PRKCE: variants seen among roughly 807,000 people sequenced by gnomAD.
The protein encoded by PRKCE is protein kinase C epsilon, also known as protein kinase C epsilon type.
Under a neutral mutation model 85.4 loss-of-function variants are expected in PRKCE, and 16 were observed. The ratio of observed to expected loss-of-function variants is 0.19; its 90% CI spans 0.13 to 0.28. The LOEUF (loss-of-function observed/expected upper bound fraction) is 0.28, where lower values mean the gene tolerates loss of function less well. Ranked by LOEUF, PRKCE falls within the 10% of genes least tolerant of loss-of-function variation. PRKCE has a pLI of 1.00. For missense variants in PRKCE, 573 were observed against 975.2 expected, an observed-to-expected ratio of 0.59 and a Z score of 5.49; for synonymous variants, 388 against 371.5, an observed-to-expected ratio of 1.04 and a Z score of -0.51.
At chr2:45,995,670 C>T (rs532119059) in intron 6 of PRKCE, among the ~76,000 whole-genome samples, 2 of 152,164 alleles carry the variant, frequency 1.3e-5, no homozygotes, top group African/African-American at 2.4e-5. Flanking sequence ...CGGGTCTGCT[C>T]TGGGCTGTCT....
At chr2:45,780,444 C>G (rs975117907) in intron 1 of PRKCE, among the ~76,000 whole-genome samples, 3 of 152,230 alleles carry the variant, frequency 2.0e-5, no homozygotes, top group Non-Finnish European at 4.4e-5. Context: ...GTAATGAGTT[C>G]TAGGTGCTTG....
At chr2:45,996,764 A>G (rs1044056630) in intron 6 of PRKCE, among the ~76,000 whole-genome samples, 2 of 152,080 alleles carry the variant, frequency 1.3e-5, no homozygotes, top group African/African-American at 4.8e-5. Flanking sequence ...GATTTTTTGC[A>G]TTCATATTCA....
At chr2:45,996,765 T>C (rs1366244453) in intron 6 of PRKCE, among the ~76,000 whole-genome samples, 1 of 152,198 alleles carries the variant, frequency 6.6e-6, no homozygotes, top group Non-Finnish European at 1.5e-5. Context: ...ATTTTTTGCA[T>C]TCATATTCAT....
chr2:46,062,761 C>T (rs1667270105), intron 10 of PRKCE, among the ~76,000 whole-genome samples: 1 of 148,912 alleles, frequency 6.7e-6, no homozygotes. Flanking sequence ...GCAACCTCCG[C>T]CTCCGGGGTT....
chr2:45,744,638 C>T (rs1411550287), intron 1 of PRKCE, among the ~76,000 whole-genome samples: 1 of 150,868 alleles, frequency 6.6e-6, no homozygotes, highest in Non-Finnish European at 1.5e-5. Flanking sequence ...GACAGAGTCT[C>T]GCTGTGTCAC....
intron 11 of PRKCE, among the ~76,000 whole-genome samples, chr2:46,118,769 A>G (rs920246723): frequency 4.6e-5 from 7 of 152,278 alleles, no homozygotes; most frequent in Admixed American, 1.3e-4. Flanking sequence ...ATCCCTAGAG[A>G]TGGATGGGAG....
In PRKCE at chr2:46,053,230, A is replaced by G. The variant is rs1277391348; in HGVS notation, c.1438-32978A>G. Among the ~76,000 whole-genome samples, 3 of 152,384 alleles carry G rather than the reference A, an allele frequency of 2.0e-5. No individual in the cohort carries two copies. In the East Asian group the frequency reaches 5.8e-4, roughly 29 times the overall value. ...CTAGACATTTGCAGCCTAGGAAATT[A>G]GGACCTGGAAATTTAAACCTAGAAA... On this transcript the variant is annotated intron_variant, in intron 10 of 14. Coordinates refer to ENST00000306156, the MANE Select transcript of PRKCE (RefSeq NM_005400.3).
At chr2:45,837,697 T>A (rs1046467772) in intron 1 of PRKCE, among the ~76,000 whole-genome samples, 5 of 152,092 alleles carry the variant, frequency 3.3e-5, no homozygotes, top group African/African-American at 1.2e-4. Context: ...CTATCTTCCT[T>A]AACCCCAGCT....
intron 2 of PRKCE, among the ~76,000 whole-genome samples, chr2:45,951,208 G>C (rs1700597119): frequency 6.6e-6 from 1 of 152,180 alleles, no homozygotes; most frequent in Non-Finnish European, 1.5e-5. Context: ...AGTGGCTCTG[G>C]AGTTTATGGC....
intron 11 of PRKCE, among the ~76,000 whole-genome samples, chr2:46,114,148 C>T (rs753796884): frequency 2.0e-4 from 30 of 152,162 alleles, no homozygotes; most frequent in Middle Eastern, 3.4e-3. Flanking sequence ...AAGAACCCTG[C>T]GGTTCTTGGC....
chr2:45,739,690 G>C (rs1009711036), intron 1 of PRKCE, among the ~76,000 whole-genome samples: 1 of 152,130 alleles, frequency 6.6e-6, no homozygotes, highest in Admixed American at 6.5e-5. Context: ...TGCCAGGAGT[G>C]GGGTGGGGGT....
intron 1 of PRKCE, chr2:45,686,362 G>T (rs1372991564): frequency 6.6e-6 from 1 of 152,140 alleles, no homozygotes; most frequent in African/African-American, 2.4e-5. Context: ...ACATAAGGAG[G>T]TCTACTACTA....
intron 13 of PRKCE, among the ~76,000 whole-genome samples, chr2:46,152,832 C>A (rs1013689889): frequency 6.6e-6 from 1 of 152,170 alleles, no homozygotes. Flanking sequence ...CAGGTGTGAG[C>A]CACTACACCC....
At chr2:46,087,431 A>C (rs1027016407) in intron 11 of PRKCE, among the ~76,000 whole-genome samples, 2 of 152,162 alleles carry the variant, frequency 1.3e-5, no homozygotes, top group Non-Finnish European at 2.9e-5. Flanking sequence ...TGTGAACGTT[A>C]CTGACCTGCT....
intron 1 of PRKCE, among the ~76,000 whole-genome samples, chr2:45,787,744 C>T (rs1263582859): frequency 1.3e-5 from 2 of 152,118 alleles, no homozygotes; most frequent in African/African-American, 2.4e-5. Context: ...TCAGGGTTCG[C>T]GATACAGGTA....
chr2:46,122,886 T>G lies in PRKCE; in HGVS notation c.1593-22207T>G, dbSNP rs112392380. 2.7e-5 allele frequency among the ~76,000 whole-genome samples: 4 copies of G among 148,568 alleles called. No individual in the cohort carries two copies. In the East Asian group the frequency reaches 5.8e-4, roughly 22 times the overall value. ...TTTCTGGCACAACAGTCTGGGTTTT[T>G]TTTTTTTTTTTTTTTTTTAGCAGTA... On this transcript the variant is annotated intron_variant, in intron 11 of 14. Transcript: ENST00000306156.
At chr2:46,010,627 G>A in intron 10 of PRKCE, 110 bp downstream of exon 10, 1 of 1,599,260 alleles carries the variant, frequency 6.3e-7, no homozygotes, top group Non-Finnish European at 8.5e-7. Context: ...TGTAAAGTGG[G>A]ATGGGTTTTA....
chr2:45,866,629 A>G (rs888961686), intron 2 of PRKCE, among the ~76,000 whole-genome samples: 7 of 152,202 alleles, frequency 4.6e-5, no homozygotes, highest in African/African-American at 7.2e-5. Flanking sequence ...CAGACTAACA[A>G]TGGCGGGGAA....
intron 13 of PRKCE, among the ~76,000 whole-genome samples, chr2:46,152,597 G>A (rs1676754788): frequency 6.6e-6 from 1 of 151,880 alleles, no homozygotes; most frequent in African/African-American, 2.4e-5. Context: ...TACCCAGGCT[G>A]GAGTGCAGTG....
Sources: gnomAD v4.1 joint callset for allele counts (sites outside exome capture counted in the v4.1 genomes callset) on GRCh38, gnomAD v4.1.1 for gene constraint, MANE v1.5 for transcripts, NCBI Gene and HGNC (gene_info 2026-07-23, HGNC 2026-07-21) for gene names.